POLD4: variants seen among roughly 807,000 people sequenced by gnomAD.
POLD4 encodes the protein DNA polymerase delta subunit 4.
A neutral mutation model predicts 16.5 loss-of-function variants in POLD4; 9 were observed. The ratio of observed to expected loss-of-function variants is 0.55; its 90% CI spans 0.33 to 0.95. The LOEUF (loss-of-function observed/expected upper bound fraction) is 0.95, where lower values mean the gene tolerates loss of function less well. POLD4 is among the 40% of genes least tolerant of loss of function. The pLI, the probability that POLD4 is intolerant of heterozygous loss-of-function variation, is 0.03. For missense variants in POLD4, 129 were observed against 139.7 expected (o/e 0.92, Z 0.39); for synonymous variants, 62 against 57.6 (o/e 1.08, Z -0.35).
chr11:67,353,589 A>C (rs1262291907), upstream of POLD4: 6 of 584,516 alleles, frequency 1.0e-5, no homozygotes, highest in Non-Finnish European at 1.8e-5. Context: ...CCCACCCCCA[A>C]AAGCACGCAA....
intron 1 of POLD4, 74 bp from the exon 2 acceptor site, chr11:67,353,151 A>G (rs1399500291): frequency 7.3e-6 from 11 of 1,507,534 alleles, no homozygotes; most frequent in Non-Finnish European, 9.9e-6. Context: ...CTTCCTCACC[A>G]CCGCTTTGCC....
In POLD4 at chr11:67,351,515, AG is replaced by A. The variant is rs28364245; in HGVS notation, c.*479del. 34 of 156,066 alleles carry A rather than the reference AG, an allele frequency of 2.2e-4. No homozygotes were observed. Among genetic ancestry groups the A allele is most frequent in the Admixed American group, 7.7e-4 (12 of 15,532 alleles). 9.7% of individuals were successfully genotyped at this position (156,066 alleles called of 1,614,324 possible). ...TAACTTGCTAGGGACTGCCAGTCAAAGCAGGGCCACAGTAAAGGACTGAAGG... is the reference window on the plus strand; with the variant it reads ...TAACTTGCTAGGGACTGCCAGTCAAACAGGGCCACAGTAAAGGACTGAAGG... On this transcript the variant is annotated 3_prime_UTR_variant, in exon 4 of 4. Transcript: ENST00000312419. The surrounding 1 kb of genome is among the most constrained non-coding windows in gnomAD (Gnocchi z 4.8).
chr11:67,353,512 C>A lies in POLD4; in HGVS notation c.-113G>T, dbSNP rs1046609659. On this transcript the variant is annotated 5_prime_UTR_variant, in exon 1 of 4. Coordinates refer to ENST00000312419, the MANE Select transcript of POLD4 (RefSeq NM_021173.5). Reference sequence around the variant, plus strand: ...GAGACAGACGGGGCCAGGCCAGCGGCGGGCAGACAAGATGACCCAGACAAA... The same window carrying A: ...GAGACAGACGGGGCCAGGCCAGCGGAGGGCAGACAAGATGACCCAGACAAA... 17 of 909,332 alleles carry A rather than the reference C, an allele frequency of 1.9e-5. No homozygotes were observed. The highest frequency in any genetic ancestry group is 2.5e-5 in the Non-Finnish European group (15 of 609,734). The allele number at this position is 909,332 out of a possible 1,614,324, so 56.3% of individuals were successfully genotyped here.
At position 67,353,456 on chromosome 11, in the gene POLD4, C is replaced by A. The variant is rs1272930868; in HGVS notation, c.-57G>T. 6.1e-6 allele frequency: 9 copies of A among 1,472,056 alleles called. No individual in the cohort carries two copies. The East Asian group carries it at 1.1e-4, about 19-fold the overall frequency. The allele number at this position is 1,472,056 out of a possible 1,614,324, so 91.2% of individuals were successfully genotyped here. A position where few individuals can be genotyped will look rare whatever the true frequency, so the allele number is the denominator to read the frequency against. ...AACTGCGGGGAAGAGGAGAGACCGG[C>A]CAGTGGGCGCGAGAAAGACAGCTGC... On this transcript the variant is annotated 5_prime_UTR_variant, in exon 1 of 4. Transcript: ENST00000312419.
At chr11:67,352,617 G>A in intron 3 of POLD4, 74 bp downstream of exon 3, 2 of 1,162,234 alleles carry the variant, frequency 1.7e-6, no homozygotes, top group Non-Finnish European at 2.5e-6. Context: ...TTCTCCCTCA[G>A]GTCAGGACAG....
In POLD4 at chr11:67,351,163, T is replaced by C. The variant is rs1197787391; in HGVS notation, c.*832A>G. ...TGCTTTGGATCAAGGTGGCCCCCGATGTGGGAAGCCAGAGGTGCTTGCTGG... is the reference window on the plus strand; with the variant it reads ...TGCTTTGGATCAAGGTGGCCCCCGACGTGGGAAGCCAGAGGTGCTTGCTGG... On this transcript the variant is annotated 3_prime_UTR_variant, in exon 4 of 4. Coordinates refer to ENST00000312419, the MANE Select transcript of POLD4 (RefSeq NM_021173.5). The surrounding 1 kb of genome is among the most constrained non-coding windows in gnomAD (Gnocchi z 4.8). 1 of 152,306 alleles carries C rather than the reference T, an allele frequency of 6.6e-6. No individual in the cohort carries two copies. The highest frequency in any genetic ancestry group is 6.6e-5 in the Admixed American group (1 of 15,264). The allele number at this position is 152,306 out of a possible 1,614,324, so 9.4% of individuals were successfully genotyped here. A position where few individuals can be genotyped will look rare whatever the true frequency, so the allele number is the denominator to read the frequency against.
chr11:67,352,367 G>T, intron 3 of POLD4: 1 of 337,740 alleles, frequency 3.0e-6, no homozygotes. Flanking sequence ...AAAATTAGCC[G>T]GGCGTGTTGG....
At chr11:67,352,464 C>G (rs1427153359) in intron 3 of POLD4, 1 of 459,892 alleles carries the variant, frequency 2.2e-6, no homozygotes, top group South Asian at 3.2e-5. Flanking sequence ...GAGCCGAGAT[C>G]GCGCCACTGC....
rs1861920491 is a variant in POLD4 at position 67,353,332 on chromosome 11, T to C, written c.68A>G (p.His23Arg). Residue 23 changes from histidine to arginine, a missense_variant, in exon 1 of 4, where the codon CAC (histidine) becomes CGC (arginine). By Grantham distance (29) the His-to-Arg change is conservative. Coordinates refer to ENST00000312419, the MANE Select transcript of POLD4 (RefSeq NM_021173.5). ...CTCGGGTGCCAGCTCCCCCTTGCTGTGCCCAGCGGGCCCCTCCCTCCTCTT... is the reference window on the plus strand; with the variant it reads ...CTCGGGTGCCAGCTCCCCCTTGCTGCGCCCAGCGGGCCCCTCCCTCCTCTT... ...VVKRREGPAG[H>R]SKGELAPELG... is the part of the protein sequence containing the mutation. The C allele has an allele frequency of 6.2e-7, 1 of 1,612,280 alleles. No individual in the cohort carries two copies. Among genetic ancestry groups the C allele is most frequent in the Non-Finnish European group, 8.5e-7 (1 of 1,179,988 alleles).
Position 67,353,001 on chromosome 11 carries a change from G to A in POLD4, c.174C>T (p.Tyr58=), listed in dbSNP as rs372657387. ...GTGGGTTCTCACCGGTGCAGGGCCC[G>A]TACTGCCAGGCCAGGTCAAACTGCC... The part of the protein sequence containing the change: ...LLRQFDLAWQ[Y]GPCTGITRLQ... Residue 58 remains tyrosine (Y), a synonymous_variant, in exon 2 of 4, where the codon TAC becomes TAT. Coordinates refer to ENST00000312419, the MANE Select transcript of POLD4 (RefSeq NM_021173.5). 660 of 1,578,320 alleles carry A rather than the reference G, an allele frequency of 4.2e-4. No individual in the cohort carries two copies. Among genetic ancestry groups the A allele is most frequent in the Non-Finnish European group, 5.5e-4 (641 of 1,161,750 alleles).
chr11:67,353,049 C>G lies in POLD4; in HGVS notation c.126G>C (p.Glu42Asp), dbSNP rs981006452. ...LGEEPQPRDE[E>D]EAELELLRQF... ...GCCTCAGCAGCTCCAGCTCCGCTTC[C>G]TCCTCGTCGCGGGGCTGGGGCTCCT... Residue 42 changes from glutamate to aspartate, a missense_variant, in exon 2 of 4, where the codon GAG becomes GAC. Glu to Asp is a conservative substitution (Grantham distance 45). Coordinates refer to ENST00000312419, the MANE Select transcript of POLD4 (RefSeq NM_021173.5). 6.3e-7 allele frequency: 1 copy of G among 1,590,644 alleles called. No homozygotes were observed.
At position 67,351,890 on chromosome 11, in the gene POLD4, C is replaced by A. The variant is rs146861904; in HGVS notation, c.*105G>T. 1,336 of 1,306,484 alleles carry A rather than the reference C, an allele frequency of 1.0e-3. 5 individuals are homozygous for A. The highest frequency in any genetic ancestry group is 5.1e-3 in the South Asian group (397 of 77,162). The allele number at this position is 1,306,484 out of a possible 1,614,324, so 80.9% of individuals were successfully genotyped here. A position where few individuals can be genotyped will look rare whatever the true frequency, so the allele number is the denominator to read the frequency against. Reference sequence around the variant, plus strand: ...CAGGTTCTGCCTGCCAAGGGTTCCTCCGCAGCCGGGCTGAGCTGAGCAGGA... The same window carrying A: ...CAGGTTCTGCCTGCCAAGGGTTCCTACGCAGCCGGGCTGAGCTGAGCAGGA... On this transcript the variant is annotated 3_prime_UTR_variant, in exon 4 of 4. Coordinates refer to ENST00000312419, the MANE Select transcript of POLD4 (RefSeq NM_021173.5). The surrounding 1 kb of genome is among the most constrained non-coding windows in gnomAD (Gnocchi z 4.8).
chr11:67,352,459 G>A (rs1032459554), intron 3 of POLD4: 8 of 455,268 alleles, frequency 1.8e-5, no homozygotes, highest in Non-Finnish European at 2.4e-5. Context: ...GCAGTGAGCC[G>A]AGATCGCGCC....
rs1861873558 is a variant in POLD4 at position 67,351,824 on chromosome 11, A to T, written c.*171T>A. The T allele has an allele frequency of 1.6e-6, 1 of 644,884 alleles. No homozygotes were observed. The highest frequency in any genetic ancestry group is 2.7e-6 in the Non-Finnish European group (1 of 365,438). The allele number at this position is 644,884 out of a possible 1,614,324, so 39.9% of individuals were successfully genotyped here. A position where few individuals can be genotyped will look rare whatever the true frequency, so the allele number is the denominator to read the frequency against. On this transcript the variant is annotated 3_prime_UTR_variant, in exon 4 of 4. Transcript: ENST00000312419. This position sits in a 1 kb window ranked among gnomAD's most constrained non-coding sequence, Gnocchi z 4.8. ...CGCAGGCTCTTCCGGGGACTCTGGG[A>T]GCCTGCTGGTTAGATGGAGGAGTTG...
chr11:67,352,755 C>G lies in POLD4; in HGVS notation c.235G>C (p.Glu79Gln). ...ACCTGCCACACCTCTGGGGGAGGCT[C>G]CAAGCCCATCTGCTTGGCCCGACAC... ...RWCRAKQMGL[E>Q]PPPEVWQVLK... The change falls in exon 3 of 4, where the codon GAG (glutamate) becomes CAG (glutamine). Residue 79 changes from glutamate (E) to glutamine (Q), a missense_variant. Physicochemically the swap from Glu to Gln is conservative, Grantham distance 29. Coordinates refer to ENST00000312419, the MANE Select transcript of POLD4 (RefSeq NM_021173.5). The G allele has an allele frequency of 6.2e-7, 1 of 1,612,966 alleles. No homozygotes were observed. The highest frequency in any genetic ancestry group is 8.5e-7 in the Non-Finnish European group (1 of 1,179,592).
In POLD4 at chr11:67,351,650, C is replaced by G; in HGVS notation, c.*345G>C. Reference sequence around the variant, plus strand: ...TTCCTGGCCTTAGGTGGGAGAGCATCTTTTCCTCATGGATCAACTGTCCAT... The same window carrying G: ...TTCCTGGCCTTAGGTGGGAGAGCATGTTTTCCTCATGGATCAACTGTCCAT... On this transcript the variant is annotated 3_prime_UTR_variant, in exon 4 of 4. Transcript: ENST00000312419. This position sits in a 1 kb window ranked among gnomAD's most constrained non-coding sequence, Gnocchi z 4.8. 1 of 263,144 alleles carries G rather than the reference C, an allele frequency of 3.8e-6. No homozygotes were observed. The highest frequency in any genetic ancestry group is 7.3e-6 in the Non-Finnish European group (1 of 136,144). 16.3% of individuals were successfully genotyped at this position (263,144 alleles called of 1,614,324 possible).
Position 67,353,487 on chromosome 11 carries a change from G to A in POLD4, c.-88C>T. 8.5e-7 allele frequency: 1 copy of A among 1,169,742 alleles called. No individual in the cohort carries two copies. The highest frequency in any genetic ancestry group is 1.2e-6 in the Non-Finnish European group (1 of 818,888). The allele number at this position is 1,169,742 out of a possible 1,614,324, so 72.5% of individuals were successfully genotyped here. ...GGCGCGAGAAAGACAGCTGCTGAGA[G>A]AGACAGACGGGGCCAGGCCAGCGGC... is the stretch of plus-strand genomic sequence containing the variant. On this transcript the variant is annotated 5_prime_UTR_variant, in exon 1 of 4. Transcript: ENST00000312419.
chr11:67,353,101 TA>T, intron 1 of POLD4, 24 bp from the exon 2 acceptor site: 1 of 1,566,658 alleles, frequency 6.4e-7, no homozygotes, highest in Non-Finnish European at 8.7e-7. Context: ...TGCTCTTCAG[TA>T]CGAGGTTGGC....
chr11:67,352,450 C>G, intron 3 of POLD4: 1 of 440,732 alleles, frequency 2.3e-6, no homozygotes, highest in Non-Finnish European at 4.1e-6. Context: ...GCGGAGTTTG[C>G]AGTGAGCCGA....
Sources: gnomAD v4.1 joint callset for allele counts on GRCh38, gnomAD v4.1.1 for gene constraint, Gnocchi (gnomAD v3.1) non-coding constraint, MANE v1.5 for transcripts, NCBI Gene and HGNC (gene_info 2026-07-23, HGNC 2026-07-21) for gene names.